CPNE8: variants seen among roughly 807,000 people sequenced by gnomAD.
CPNE8 encodes the protein copine-8.
In CPNE8, 45 loss-of-function variants were observed where a neutral mutation model predicts 81.5. The observed-to-expected ratio is 0.55, with a 90% CI of 0.44 to 0.71. The LOEUF (loss-of-function observed/expected upper bound fraction) is 0.71. CPNE8 is among the 30% of genes least tolerant of loss of function. The probability of loss-of-function intolerance (pLI) is 0.00; values close to 1 mark genes in which losing one functional copy is unlikely to be tolerated. For missense variants in CPNE8, 594 were observed against 672.1 expected (o/e 0.88, Z 1.28); for synonymous variants, 252 against 226.3 (o/e 1.11, Z -1.02).
intron 8 of CPNE8, among the ~76,000 whole-genome samples, chr12:38,764,116 C>T (rs1317401181): frequency 6.6e-6 from 1 of 152,116 alleles, no homozygotes; most frequent in Non-Finnish European, 1.5e-5. Flanking sequence ...GTCAAATGTT[C>T]TCAGAGCTGA....
rs1944016534 is a variant in CPNE8 at position 38,873,103 on chromosome 12, T to A, written c.140-53A>T. ...ATAAATGTCTTTTATGAAAATCATA[T>A]GTGAATGTATACAATTTATTTTTCA... is the stretch of plus-strand genomic sequence containing the variant. On this transcript the variant is annotated intron_variant, in intron 2 of 19. Coordinates refer to ENST00000331366, the MANE Select transcript of CPNE8 (RefSeq NM_153634.3). The A allele has an allele frequency of 2.8e-6, 3 of 1,067,760 alleles. No individual in the cohort carries two copies. The South Asian group carries it at 4.1e-5, about 15-fold the overall frequency. 66.1% of individuals were successfully genotyped at this position (1,067,760 alleles called of 1,614,324 possible).
intron 1 of CPNE8, among the ~76,000 whole-genome samples, chr12:38,904,276 G>C (rs909370883): frequency 6.6e-6 from 1 of 152,114 alleles, no homozygotes; most frequent in Non-Finnish European, 1.5e-5. Flanking sequence ...AAACAAGGGA[G>C]TGGGCTCCAG....
intron 7 of CPNE8, among the ~76,000 whole-genome samples, chr12:38,771,639 C>A (rs1371382497): frequency 4.6e-5 from 7 of 152,076 alleles, no homozygotes; most frequent in Admixed American, 4.6e-4. Context: ...AAATTTATGA[C>A]CTATACATCC....
upstream of CPNE8, chr12:38,905,955 G>A (rs553112303): frequency 1.0e-6 from 1 of 985,394 alleles, no homozygotes; most frequent in Non-Finnish European, 1.2e-6. Flanking sequence ...CGTGCTTTTA[G>A]GTTTTGTCTC....
chr12:38,670,860 G>A (rs528796246), intron 18 of CPNE8, 58 bp from the exon 19 acceptor site: 1 of 1,252,452 alleles, frequency 8.0e-7, no homozygotes. Flanking sequence ...CTAAAACAAT[G>A]TGGACAACAA....
chr12:38,872,380 C>A (rs1190346680), intron 3 of CPNE8, among the ~76,000 whole-genome samples: 4 of 152,150 alleles, frequency 2.6e-5, no homozygotes, highest in Non-Finnish European at 5.9e-5. Context: ...GAAACTGTAA[C>A]CTCATTAAAA....
intron 13 of CPNE8, among the ~76,000 whole-genome samples, chr12:38,722,586 C>T (rs1940592633): frequency 6.6e-6 from 1 of 152,114 alleles, no homozygotes; most frequent in Non-Finnish European, 1.5e-5. Flanking sequence ...AAGAGGTTTA[C>T]GTGAGTGATA....
At chr12:38,777,844 G>GTT (rs970992557) in intron 6 of CPNE8, among the ~76,000 whole-genome samples, 3 of 152,176 alleles carry the variant, frequency 2.0e-5, no homozygotes, top group African/African-American at 4.8e-5. Context: ...AGCCTCATCT[G>GTT]TTTTCACAGC....
rs1032776617 is a variant in CPNE8 at position 38,802,927 on chromosome 12, G to C, written c.407+26452C>G. On this transcript the variant is annotated intron_variant, in intron 6 of 19. Coordinates refer to ENST00000331366, the MANE Select transcript of CPNE8 (RefSeq NM_153634.3). ...TCTAGAAGAAATAGATACATTCCTC[G>C]ACACATACAGTCTCCCAAGACTAAA... Among the ~76,000 whole-genome samples, 8 of 149,216 alleles carry C rather than the reference G, an allele frequency of 5.4e-5. No individual in the cohort carries two copies. The East Asian group carries it at 9.9e-4, about 19-fold the overall frequency.
At chr12:38,733,661 G>A (rs906861674) in intron 10 of CPNE8, among the ~76,000 whole-genome samples, 4 of 151,778 alleles carry the variant, frequency 2.6e-5, no homozygotes, top group Admixed American at 6.6e-5. Context: ...GTCTGTTTAC[G>A]TCTCTATTTT....
chr12:38,845,406 T>G (rs1943540438), intron 4 of CPNE8, among the ~76,000 whole-genome samples: 1 of 152,192 alleles, frequency 6.6e-6, no homozygotes, highest in African/African-American at 2.4e-5. Flanking sequence ...AATCTCTGTA[T>G]GTATTTACTT....
intron 6 of CPNE8, among the ~76,000 whole-genome samples, chr12:38,777,485 T>C (rs1225984040): frequency 6.6e-6 from 1 of 152,162 alleles, no homozygotes; most frequent in Non-Finnish European, 1.5e-5. Flanking sequence ...TAAATAAATT[T>C]AGTGTAGCCT....
intron 18 of CPNE8, among the ~76,000 whole-genome samples, chr12:38,674,225 A>G (rs1939239568): frequency 6.6e-6 from 1 of 152,160 alleles, no homozygotes; most frequent in Non-Finnish European, 1.5e-5. Flanking sequence ...GTTACCAGAA[A>G]TATATGCCAG....
intron 6 of CPNE8, among the ~76,000 whole-genome samples, chr12:38,781,713 G>T (rs190783907): frequency 5.9e-5 from 9 of 152,132 alleles, no homozygotes; most frequent in African/African-American, 2.2e-4. Flanking sequence ...CCTTGGCAAG[G>T]TGATCAAGGT....
At chr12:38,809,780 T>A (rs1283815345) in intron 6 of CPNE8, among the ~76,000 whole-genome samples, 2 of 152,192 alleles carry the variant, frequency 1.3e-5, no homozygotes, top group Non-Finnish European at 2.9e-5. Flanking sequence ...TCACATATGG[T>A]TGGGGCTCTG....
chr12:38,797,950 T>C (rs533252890), intron 6 of CPNE8, among the ~76,000 whole-genome samples: 2 of 151,878 alleles, frequency 1.3e-5, no homozygotes, highest in African/African-American at 4.8e-5. Flanking sequence ...AGGGTATCAG[T>C]GATGGAAGAT....
rs1259036763 is a variant in CPNE8, at chr12:38,831,596, T to G, written c.331-2141A>C. On this transcript the variant is annotated intron_variant, in intron 5 of 19. Transcript: ENST00000331366. Reference sequence around the variant, plus strand: ...ATACCTTCATTAAACTGCAAATCACTTTAAATTTGTTTTCAAATACATAAA... The same window carrying G: ...ATACCTTCATTAAACTGCAAATCACGTTAAATTTGTTTTCAAATACATAAA... 2.0e-5 allele frequency among the ~76,000 whole-genome samples: 3 copies of G among 152,212 alleles called. No homozygotes were observed. In the East Asian group the frequency reaches 5.8e-4, roughly 29 times the overall value.
At chr12:38,820,107 T>G (rs1341874170) in intron 6 of CPNE8, among the ~76,000 whole-genome samples, 8 of 152,004 alleles carry the variant, frequency 5.3e-5, no homozygotes, top group Admixed American at 2.0e-4. Context: ...AGCAACCATT[T>G]GGAAACTAAA....
intron 4 of CPNE8, among the ~76,000 whole-genome samples, chr12:38,840,729 A>C (rs573123177): frequency 5.1e-4 from 77 of 152,310 alleles, no homozygotes; most frequent in Middle Eastern, 6.8e-3. Context: ...GGAAACAAAC[A>C]TATTTACATA....
Sources: allele counts gnomAD v4.1 joint callset (sites outside exome capture counted in the v4.1 genomes callset), GRCh38; gene constraint gnomAD v4.1.1; transcripts MANE v1.5; gene names NCBI Gene and HGNC (gene_info 2026-07-23, HGNC 2026-07-21).